Variants in L1TD1 observed in about 807,000 individuals in gnomAD.
The protein encoded by L1TD1 is LINE-1 type transposase domain-containing protein 1.
A neutral mutation model predicts 25.7 loss-of-function variants in L1TD1; 26 were observed. The observed-to-expected ratio is 1.01, with a 90% CI of 0.74 to 1.40. The LOEUF (loss-of-function observed/expected upper bound fraction) is 1.40. L1TD1 is among the 40% of genes most tolerant of loss of function. L1TD1 has a pLI of 0.00. For synonymous variants in L1TD1, 421 were observed against 335.6 expected, an observed-to-expected ratio of 1.25 and a Z score of -2.78; for missense variants, 1,130 against 975.0, an observed-to-expected ratio of 1.16 and a Z score of -2.12.
At chr1:62,202,654 C>T (rs1670664389) in intron 2 of L1TD1, among the ~76,000 whole-genome samples, 1 of 145,128 alleles carries the variant, frequency 6.9e-6, no homozygotes, top group South Asian at 2.2e-4. Context: ...TTGCAACTTC[C>T]ACATCCAGGG....
At position 62,202,560 on chromosome 1, in the gene L1TD1, TTA is replaced by T. The variant is rs1491344632; in HGVS notation, c.-110-3958_-110-3957del. ...CTTTTTCTTTTCTTTTTTTTTTTTT[TTA>T]GCTGTTCATTTAAAATTTTTTATTT... On this transcript the variant is annotated intron_variant, in intron 2 of 3. Transcript: ENST00000498273. 8.2e-4 allele frequency among the ~76,000 whole-genome samples: 122 copies of T among 149,224 alleles called. 2 individuals carry two copies. The highest frequency in any genetic ancestry group is 3.4e-3 in the Middle Eastern group (1 of 290).
At chr1:62,203,571 C>T (rs11207925) in intron 2 of L1TD1, among the ~76,000 whole-genome samples, 25,634 of 152,024 alleles carry the variant, frequency 0.17, 2,768 homozygotes, top group African/African-American at 0.31. Context: ...CGTGCCACCA[C>T]GTCTGGCTAA....
chr1:62,203,322 C>T (rs1670677655), intron 2 of L1TD1, among the ~76,000 whole-genome samples: 1 of 152,188 alleles, frequency 6.6e-6, no homozygotes, highest in Admixed American at 6.5e-5. Flanking sequence ...AGTTACCCTG[C>T]TGTGCTATCA....
chr1:62,211,457 C>A lies in L1TD1; in HGVS notation c.*85C>A. On this transcript the variant is annotated 3_prime_UTR_variant, in exon 4 of 4. Transcript: ENST00000498273. ...CAAGTAAAACGAAAATACACTTCTA[C>A]CCAGAAGGATGGACAGCTAATAGCG... is the stretch of plus-strand genomic sequence containing the variant. 1 of 1,509,194 alleles carries A rather than the reference C, an allele frequency of 6.6e-7. No homozygotes were observed. Among genetic ancestry groups the A allele is most frequent in the Non-Finnish European group, 8.8e-7 (1 of 1,136,502 alleles). The allele number at this position is 1,509,194 out of a possible 1,614,324, so 93.5% of individuals were successfully genotyped here.
In L1TD1 at chr1:62,202,334, A is replaced by G. The variant is rs111917018; in HGVS notation, c.-110-4185A>G. ...AAAAAGGCTGAGGGTGAAATGTGTA[A>G]TTAATATTGATTCCTTCTCTTTTTT... is the stretch of plus-strand genomic sequence containing the variant. On this transcript the variant is annotated intron_variant, in intron 2 of 3. Coordinates refer to ENST00000498273, the MANE Select transcript of L1TD1 (RefSeq NM_019079.5). Among the ~76,000 whole-genome samples the G allele has an allele frequency of 4.2e-3, 640 of 151,664 alleles. 5 individuals are homozygous for G. Among genetic ancestry groups the G allele is most frequent in the African/African-American group, 0.015 (606 of 41,472 alleles).
In L1TD1 at chr1:62,207,555, G is replaced by A; in HGVS notation, c.927G>A (p.Val309=). ...LRKFASQKSS[V]KELLKDVLPQ... ...AATTTGCCAGCCAAAAATCTTCTGTGAAAGAATTACTGAAAGATGTACTCC... is the reference window on the plus strand; with the variant it reads ...AATTTGCCAGCCAAAAATCTTCTGTAAAAGAATTACTGAAAGATGTACTCC... The change falls in exon 3 of 4, where the codon GTG becomes GTA. Residue 309 remains valine, a synonymous_variant. Coordinates refer to ENST00000498273, the MANE Select transcript of L1TD1 (RefSeq NM_019079.5). The A allele has an allele frequency of 4.5e-6, 7 of 1,551,060 alleles. No homozygotes were observed. The highest frequency in any genetic ancestry group is 6.1e-6 in the Non-Finnish European group (7 of 1,146,836).
chr1:62,204,776 C>G (rs1301224455), intron 2 of L1TD1, among the ~76,000 whole-genome samples: 1 of 151,994 alleles, frequency 6.6e-6, no homozygotes, highest in Non-Finnish European at 1.5e-5. Flanking sequence ...TTATGTGATT[C>G]TTATTTTGCA....
rs1670826290 is a variant in L1TD1, at chr1:62,209,950, A to C, written c.1176A>C (p.Ser392=). ...TAGAGGAGCTGGATGAAGAGGCCTC[A>C]GGGATGGAGGATGATGAAGATACCT... is the stretch of plus-strand genomic sequence containing the variant. ...SELEELDEEA[S]GMEDDEDTSG... Residue 392 remains serine, a synonymous_variant, in exon 4 of 4, where the codon TCA becomes TCC. Coordinates refer to ENST00000498273, the MANE Select transcript of L1TD1 (RefSeq NM_019079.5). 6.2e-7 allele frequency: 1 copy of C among 1,612,022 alleles called. No individual in the cohort carries two copies. The highest frequency in any genetic ancestry group is 1.7e-5 in the Admixed American group (1 of 59,876).
At chr1:62,203,219 A>T (rs1670675783) in intron 2 of L1TD1, among the ~76,000 whole-genome samples, 1 of 150,392 alleles carries the variant, frequency 6.6e-6, no homozygotes, top group South Asian at 2.1e-4. Flanking sequence ...AAATGGGGGT[A>T]TCCTATGCAC....
chr1:62,198,774 A>G (rs1670590119), intron 2 of L1TD1, among the ~76,000 whole-genome samples: 1 of 136,274 alleles, frequency 7.3e-6, no homozygotes, highest in African/African-American at 2.6e-5. Context: ...GTATACTTTT[A>G]AAGTAACCTC....
intron 2 of L1TD1, among the ~76,000 whole-genome samples, chr1:62,200,623 C>T (rs949607370): frequency 1.3e-5 from 2 of 151,948 alleles, no homozygotes; most frequent in Non-Finnish European, 1.5e-5. Context: ...TATTTTTTGG[C>T]CAGAAAAAAC....
Position 62,206,665 on chromosome 1 carries a change from G to T in L1TD1, c.37G>T (p.Ala13Ser). The T allele has an allele frequency of 6.5e-7, 1 of 1,547,024 alleles. No individual in the cohort carries two copies. Residue 13 changes from alanine to serine, a missense_variant, in exon 3 of 4, where the codon GCT (alanine) becomes TCT (serine). By Grantham distance (99) the Ala-to-Ser change is moderately conservative. Transcript: ENST00000498273. ...DVSTSVQSKF[A>S]RLAKKKENIT... ...ATCTACTAGTGTACAATCAAAATTT[G>T]CTAGACTTGCAAAGAAAAAGGAAAA...
chr1:62,197,292 C>T (rs894923818), intron 2 of L1TD1, among the ~76,000 whole-genome samples: 2 of 150,978 alleles, frequency 1.3e-5, no homozygotes, highest in Admixed American at 6.6e-5. Context: ...GAGGCTGAGG[C>T]AGGAGAATCG....
rs764849253 is a variant in L1TD1, at chr1:62,211,336, C to T, written c.2562C>T (p.Pro854=). The T allele has an allele frequency of 1.9e-6, 3 of 1,610,408 alleles. No homozygotes were observed. The South Asian group carries it at 3.3e-5, about 18-fold the overall frequency. Residue 854 remains proline, a synonymous_variant, in exon 4 of 4, where the codon CCC becomes CCT. Transcript: ENST00000498273. The part of the protein sequence containing the change: ...EEFRDYVLHM[P]TLRELLGNNI... ...TTAGAGATTATGTTTTGCATATGCCCACCTTGAGAGAATTACTGGGGAATA... is the reference window on the plus strand; with the variant it reads ...TTAGAGATTATGTTTTGCATATGCCTACCTTGAGAGAATTACTGGGGAATA...
intron 2 of L1TD1, among the ~76,000 whole-genome samples, chr1:62,197,808 G>A (rs553891446): frequency 2.0e-5 from 3 of 152,130 alleles, no homozygotes; most frequent in East Asian, 1.9e-4. Flanking sequence ...CCTGGGAAGC[G>A]GGGGTTGCAG....
At chr1:62,202,047 T>C (rs1670648669) in intron 2 of L1TD1, among the ~76,000 whole-genome samples, 1 of 152,188 alleles carries the variant, frequency 6.6e-6, no homozygotes, top group South Asian at 2.1e-4. Context: ...ACGCCTGTAA[T>C]CCCAGCACTT....
intron 2 of L1TD1, among the ~76,000 whole-genome samples, chr1:62,205,760 C>CGA (rs1358495448): frequency 6.6e-6 from 1 of 151,666 alleles, no homozygotes; most frequent in Non-Finnish European, 1.5e-5. Context: ...GACAAGGTCT[C>CGA]ACTCTGTCAC....
rs1392830619 is a variant in L1TD1 at position 62,206,587 on chromosome 1, T to A, written c.-42T>A. ...GCCTGTAAGAACAAAAATCATTCTGTAGGAATTAAAAACAGAATCCAGTCT... is the reference window on the plus strand; with the variant it reads ...GCCTGTAAGAACAAAAATCATTCTGAAGGAATTAAAAACAGAATCCAGTCT... On this transcript the variant is annotated 5_prime_UTR_variant, in exon 3 of 4. Transcript: ENST00000498273. 1.4e-6 allele frequency: 2 copies of A among 1,407,656 alleles called. No homozygotes were observed. The highest frequency in any genetic ancestry group is 2.9e-5 in the African/African-American group (2 of 69,066). The allele number at this position is 1,407,656 out of a possible 1,614,324, so 87.2% of individuals were successfully genotyped here.
At position 62,207,336 on chromosome 1, in the gene L1TD1, G is replaced by C. The variant is rs1470692469; in HGVS notation, c.708G>C (p.Leu236Phe). The C allele has an allele frequency of 1.3e-6, 2 of 1,551,344 alleles. No homozygotes were observed. The highest frequency in any genetic ancestry group is 4.9e-5 in the East Asian group (2 of 40,892). The change falls in exon 3 of 4, where the codon TTG becomes TTC. Residue 236 changes from leucine to phenylalanine, a missense_variant. Physicochemically the swap from Leu to Phe is conservative, Grantham distance 22 (BLOSUM62 0). Transcript: ENST00000498273. ...VLKASREEKV[L>F]MDEGAVLTLV... ...AAGCCTCCAGAGAAGAAAAAGTGTT[G>C]ATGGATGAAGGAGCAGTACTTACCC...
Sources: allele counts gnomAD v4.1 joint callset (sites outside exome capture counted in the v4.1 genomes callset), GRCh38; gene constraint gnomAD v4.1.1; transcripts MANE v1.5; gene names NCBI Gene and HGNC (gene_info 2026-07-23, HGNC 2026-07-21).